PRKCH: variants seen among roughly 807,000 people sequenced by gnomAD.
The protein encoded by PRKCH is protein kinase C eta.
In PRKCH, 28 loss-of-function variants were observed where a neutral mutation model predicts 82.5. The observed-to-expected ratio is 0.34, with a 90% CI of 0.25 to 0.47. The LOEUF is 0.47. Among genes scored for constraint, PRKCH ranks in the 20% least tolerant of loss-of-function variants. The pLI, the probability that PRKCH is intolerant of heterozygous loss-of-function variation, is 1.00. For missense variants in PRKCH, 705 were observed against 881.8 expected (o/e 0.80, Z 2.54); for synonymous variants, 322 against 327.4 (o/e 0.98, Z 0.18).
At chr14:61,232,524 A>G (rs193073156) in intron 1 of PRKCH, among the ~76,000 whole-genome samples, 3 of 152,220 alleles carry the variant, frequency 2.0e-5, no homozygotes, top group African/African-American at 7.2e-5. Context: ...CCCGGCCAGG[A>G]TATTTTAAAT....
At position 61,467,399 on chromosome 14, in the gene PRKCH, T is replaced by C. The variant is rs560607119; in HGVS notation, c.1278+9720T>C. Among the ~76,000 whole-genome samples, 4 of 152,354 alleles carry C rather than the reference T, an allele frequency of 2.6e-5. No homozygotes were observed. In the South Asian group the frequency reaches 8.3e-4, roughly 32 times the overall value. Reference sequence around the variant, plus strand: ...GGCTGCAGCCTGCCCTGTCCAGCTCTGATGCTTCCCAGCGCCTCCAGCTCC... The same window carrying C: ...GGCTGCAGCCTGCCCTGTCCAGCTCCGATGCTTCCCAGCGCCTCCAGCTCC... On this transcript the variant is annotated intron_variant, in intron 9 of 13. Coordinates refer to ENST00000332981, the MANE Select transcript of PRKCH (RefSeq NM_006255.5).
chr14:61,449,856 GTCTCTCTCTCTCTCTCTC>G lies in PRKCH; in HGVS notation c.702+632_702+649del, dbSNP rs149977373. On this transcript the variant is annotated intron_variant, in intron 5 of 13. Coordinates refer to ENST00000332981, the MANE Select transcript of PRKCH (RefSeq NM_006255.5). ...CCTCTTAAGAAATTTCAGGGAAGAT[GTCTCTCTCTCTCTCTCTC>G]TCTCTCTCTCTCTCTCTCTCTCTCT... 4.9e-3 allele frequency among the ~76,000 whole-genome samples: 692 copies of G among 142,406 alleles called. 3 individuals are homozygous for G. The highest frequency in any genetic ancestry group is 0.011 in the Middle Eastern group (3 of 284). The allele number at this position is 142,406 out of a possible 152,430, so 93.4% of individuals were successfully genotyped here. A position where few individuals can be genotyped will look rare whatever the true frequency, so the allele number is the denominator to read the frequency against.
At chr14:61,199,354 C>T (rs1196748910) in intron 1 of PRKCH, among the ~76,000 whole-genome samples, 1 of 152,196 alleles carries the variant, frequency 6.6e-6, no homozygotes, top group Non-Finnish European at 1.5e-5. Context: ...AAACTTCGCC[C>T]ATGGTTTCCC....
At chr14:61,341,319 G>C (rs924984679) in intron 1 of PRKCH, among the ~76,000 whole-genome samples, 1 of 152,188 alleles carries the variant, frequency 6.6e-6, no homozygotes, top group Non-Finnish European at 1.5e-5. Context: ...GGAGGAGGAA[G>C]GAAGATACTC....
chr14:61,407,884 A>T (rs926718871), intron 2 of PRKCH, among the ~76,000 whole-genome samples: 2 of 152,210 alleles, frequency 1.3e-5, no homozygotes, highest in Non-Finnish European at 2.9e-5. Flanking sequence ...CTTTGTATGC[A>T]GCATGGAATA....
chr14:61,498,879 C>A (rs942487736), intron 10 of PRKCH, among the ~76,000 whole-genome samples: 4 of 150,676 alleles, frequency 2.7e-5, no homozygotes, highest in Non-Finnish European at 5.9e-5. Flanking sequence ...GCCATTCATT[C>A]ATACACGTGT....
intron 1 of PRKCH, among the ~76,000 whole-genome samples, chr14:61,246,466 C>T (rs935934139): frequency 6.6e-6 from 1 of 151,742 alleles, no homozygotes; most frequent in Admixed American, 6.6e-5. Flanking sequence ...GAATCCATGC[C>T]CCTCATTTCA....
intron 1 of PRKCH, among the ~76,000 whole-genome samples, chr14:61,261,164 C>G (rs758556518): frequency 8.5e-5 from 13 of 152,186 alleles, no homozygotes; most frequent in Non-Finnish European, 1.8e-4. Flanking sequence ...GCTTGGTTTG[C>G]TAAACTAAAC....
chr14:61,476,825 A>G (rs1301154827), intron 9 of PRKCH, among the ~76,000 whole-genome samples: 1 of 152,156 alleles, frequency 6.6e-6, no homozygotes, highest in Admixed American at 6.5e-5. Context: ...TGATTGAATT[A>G]ACCTCTGACA....
chr14:61,314,447 T>G (rs1402846467), intron 1 of PRKCH, among the ~76,000 whole-genome samples: 2 of 152,228 alleles, frequency 1.3e-5, no homozygotes, highest in Non-Finnish European at 2.9e-5. Context: ...CATAAAATAT[T>G]TAACCTCACT....
intron 2 of PRKCH, among the ~76,000 whole-genome samples, chr14:61,394,727 A>G (rs2046746605): frequency 6.6e-6 from 1 of 152,202 alleles, no homozygotes; most frequent in South Asian, 2.1e-4. Flanking sequence ...TAAGAATGAA[A>G]TGGTAAGTCA....
intron 1 of PRKCH, among the ~76,000 whole-genome samples, chr14:61,357,105 C>G (rs1177275203): frequency 3.3e-5 from 5 of 152,198 alleles, no homozygotes; most frequent in African/African-American, 9.6e-5. Flanking sequence ...GGTCAGTACT[C>G]CCAATTCTAT....
intron 10 of PRKCH, among the ~76,000 whole-genome samples, chr14:61,510,188 C>G (rs891426860): frequency 1.3e-5 from 2 of 152,102 alleles, no homozygotes; most frequent in African/African-American, 4.8e-5. Flanking sequence ...GGGTGAGAAC[C>G]TGGAAGGTTT....
At chr14:61,433,785 G>A (rs994181013) in intron 2 of PRKCH, among the ~76,000 whole-genome samples, 9 of 152,142 alleles carry the variant, frequency 5.9e-5, no homozygotes, top group African/African-American at 2.2e-4. Context: ...AGTTGGCTGC[G>A]CAACACATAG....
intron 12 of PRKCH, among the ~76,000 whole-genome samples, chr14:61,531,387 TTC>T (rs1566931473): frequency 6.6e-6 from 1 of 152,228 alleles, no homozygotes; most frequent in East Asian, 1.9e-4. Context: ...ACAATCTATA[TTC>T]TGTTGGATAG....
chr14:61,416,053 C>CTTTTTTTTTTTTTTTT (rs71117815), intron 2 of PRKCH, among the ~76,000 whole-genome samples: 23 of 94,178 alleles, frequency 2.4e-4, no homozygotes, highest in East Asian at 6.5e-4. Flanking sequence ...CTTTTCTTTT[C>CTTTTTTTTTTTTTTTT]TTTTTTTTTT....
chr14:61,261,658 A>G (rs2045045307), intron 1 of PRKCH, among the ~76,000 whole-genome samples: 1 of 151,786 alleles, frequency 6.6e-6, no homozygotes. Flanking sequence ...GTTGCCATTT[A>G]CATCCATATC....
At position 61,217,099 on chromosome 14, in the gene PRKCH, C is replaced by T. The variant is rs144076986; in HGVS notation, c.-19+29431C>T. 4.3e-3 allele frequency among the ~76,000 whole-genome samples: 656 copies of T among 152,156 alleles called. 4 individuals are homozygous for T. The highest frequency in any genetic ancestry group is 5.9e-3 in the Non-Finnish European group (404 of 68,006). ...GTGTTTCCATTTTTAAAAGAGAGAG[C>T]GAGAGACAGACTGGGCGTGGTGGCT... On this transcript the variant is annotated intron_variant, in intron 1 of 3. Transcript: ENST00000555185.
chr14:61,529,549 T>C (rs2043016858), intron 11 of PRKCH, among the ~76,000 whole-genome samples: 1 of 151,716 alleles, frequency 6.6e-6, no homozygotes. Context: ...ATGTGGCACA[T>C]ATACACCATG....
Sources: gnomAD v4.1 joint callset for allele counts (sites outside exome capture counted in the v4.1 genomes callset) on GRCh38, gnomAD v4.1.1 for gene constraint, MANE v1.5 for transcripts, NCBI Gene and HGNC (gene_info 2026-07-23, HGNC 2026-07-21) for gene names.